The following CACNA1I variants were observed in gnomAD, a reference collection of about 807,000 sequenced individuals.
CACNA1I encodes the protein voltage-dependent T-type calcium channel subunit alpha-1I.
CACNA1I carries 74 observed loss-of-function variants against 201.6 expected under a neutral mutation model. That is an observed-to-expected ratio of 0.37 (90% CI 0.30 to 0.45). The LOEUF (loss-of-function observed/expected upper bound fraction) is 0.45. CACNA1I is among the 20% of genes least tolerant of loss of function. CACNA1I has a pLI of 1.00. For synonymous variants in CACNA1I, 1,431 were observed against 1,345.2 expected, an observed-to-expected ratio of 1.06 and a Z score of -1.40; for missense variants, 2,346 against 3,138.1, an observed-to-expected ratio of 0.75 and a Z score of 6.03.
At chr22:39,673,645 C>T (rs976620004) in intron 28 of CACNA1I, among the ~76,000 whole-genome samples, 1 of 152,226 alleles carries the variant, frequency 6.6e-6, no homozygotes, top group African/African-American at 2.4e-5. Flanking sequence ...TGGCCACTCA[C>T]GCTGGTCCTT....
intron 1 of CACNA1I, among the ~76,000 whole-genome samples, chr22:39,593,727 C>T (rs1932848795): frequency 6.6e-6 from 1 of 152,122 alleles, no homozygotes. Context: ...AGTGGCAAAA[C>T]AGCTTGGAGG....
At chr22:39,571,084 A>T (rs756181116) in intron 1 of CACNA1I, 96 bp downstream of exon 1, 1 of 1,107,226 alleles carries the variant, frequency 9.0e-7, no homozygotes, top group Admixed American at 1.8e-5. Flanking sequence ...TCCGGCTGGG[A>T]GACCTGAGGT....
intron 3 of CACNA1I, among the ~76,000 whole-genome samples, chr22:39,614,827 C>G (rs1264194317): frequency 6.6e-6 from 1 of 152,218 alleles, no homozygotes; most frequent in Non-Finnish European, 1.5e-5. Context: ...ACGGGAGCCC[C>G]TCTCCCCAGA....
chr22:39,587,076 C>T (rs1288487394), intron 1 of CACNA1I, among the ~76,000 whole-genome samples: 2 of 152,168 alleles, frequency 1.3e-5, no homozygotes, highest in African/African-American at 4.8e-5. Flanking sequence ...TTCCTGTGGA[C>T]CTTCCACCTT....
chr22:39,574,736 G>A (rs1407310863), intron 1 of CACNA1I, among the ~76,000 whole-genome samples: 1 of 152,180 alleles, frequency 6.6e-6, no homozygotes, highest in East Asian at 1.9e-4. Flanking sequence ...TGCAAAGGGC[G>A]ACTCTTTCCC....
intron 1 of CACNA1I, among the ~76,000 whole-genome samples, chr22:39,580,739 CT>C (rs1344027848): frequency 1.3e-5 from 2 of 152,100 alleles, no homozygotes; most frequent in African/African-American, 4.8e-5. Context: ...AGGGGTGGGA[CT>C]TGGGCAAATT....
intron 3 of CACNA1I, among the ~76,000 whole-genome samples, chr22:39,617,420 G>T (rs914183585): frequency 7.3e-6 from 1 of 137,828 alleles, no homozygotes; most frequent in South Asian, 2.4e-4. Flanking sequence ...CCCCCACCCC[G>T]CCCCCCACAG....
chr22:39,586,957 G>T (rs908375948), intron 1 of CACNA1I, among the ~76,000 whole-genome samples: 1 of 152,168 alleles, frequency 6.6e-6, no homozygotes, highest in African/African-American at 2.4e-5. Context: ...CCCGAGGCTG[G>T]ATCAGCCCAC....
chr22:39,619,864 G>C (rs553404099), intron 4 of CACNA1I, among the ~76,000 whole-genome samples: 1 of 152,196 alleles, frequency 6.6e-6, no homozygotes, highest in South Asian at 2.1e-4. Flanking sequence ...ACCCACCACA[G>C]ATCGATGTAC....
chr22:39,625,900 T>C (rs1933887339), intron 4 of CACNA1I, among the ~76,000 whole-genome samples: 1 of 142,772 alleles, frequency 7.0e-6, no homozygotes, highest in African/African-American at 2.6e-5. Flanking sequence ...GCATACTGCC[T>C]GAGTCATTTA....
At chr22:39,595,697 TTCTC>T (rs1025839023) in intron 1 of CACNA1I, among the ~76,000 whole-genome samples, 3 of 152,112 alleles carry the variant, frequency 2.0e-5, no homozygotes, top group South Asian at 2.1e-4. Flanking sequence ...GTCTCCCTCT[TTCTC>T]TCTCTCAGAA....
chr22:39,590,204 CCT>C (rs1340066250), intron 1 of CACNA1I, among the ~76,000 whole-genome samples: 2 of 152,196 alleles, frequency 1.3e-5, no homozygotes, highest in African/African-American at 2.4e-5. Context: ...CCCTGGTGAC[CCT>C]GTCCCCTTAG....
At chr22:39,642,608 C>G (rs1934377826) in intron 6 of CACNA1I, among the ~76,000 whole-genome samples, 189 bp from the exon 7 acceptor site, 1 of 152,190 alleles carries the variant, frequency 6.6e-6, no homozygotes, top group Admixed American at 6.5e-5. Context: ...AAGTGCTTTC[C>G]CCTCACTGAG....
chr22:39,679,620 CGCAGAGAA>C lies in CACNA1I; in HGVS notation c.5395-101_5395-94del, dbSNP rs1393552242. The C allele has an allele frequency of 5.8e-6, 7 of 1,207,014 alleles. No individual in the cohort carries two copies. The African/African-American group carries it at 1.1e-4, about 18-fold the overall frequency. 74.8% of individuals were successfully genotyped at this position (1,207,014 alleles called of 1,614,324 possible). ...GAGGGGGTCGGTCCCAGGCCATGGGCGCAGAGAACCAACCGGGAGGGCAGCTGTGTCCT... is the reference window on the plus strand; with the variant it reads ...GAGGGGGTCGGTCCCAGGCCATGGGCCCAACCGGGAGGGCAGCTGTGTCCT... On this transcript the variant is annotated intron_variant, in intron 32 of 36. Coordinates refer to ENST00000402142, the MANE Select transcript of CACNA1I (RefSeq NM_021096.4).
intron 4 of CACNA1I, among the ~76,000 whole-genome samples, chr22:39,634,252 TGAA>T: frequency 6.6e-6 from 1 of 152,324 alleles, no homozygotes; most frequent in Admixed American, 6.5e-5. Context: ...TTGTGAAGAC[TGAA>T]GATCACATTT....
rs979450979 is a variant in CACNA1I at position 39,689,358 on chromosome 22, G to A, written c.*2953G>A. 3.9e-5 allele frequency: 6 copies of A among 152,818 alleles called. No individual in the cohort carries two copies. Among genetic ancestry groups the A allele is most frequent in the African/African-American group, 1.4e-4 (6 of 41,480 alleles). The allele number at this position is 152,818 out of a possible 1,614,324, so 9.5% of individuals were successfully genotyped here. On this transcript the variant is annotated 3_prime_UTR_variant, in exon 37 of 37. Transcript: ENST00000402142. ...TCTTCCCCCAAATCCTCAGCTCAGA[G>A]CCTTCCGCTTCCAGGGCCAACCCCA...
At position 39,661,221 on chromosome 22, in the gene CACNA1I, C is replaced by G. The variant is rs1401260990; in HGVS notation, c.2812C>G (p.Leu938Val). Reference protein sequence around the residue: ...GAAGPAPRLSLQPDPMLVALG... With the variant: ...GAAGPAPRLSVQPDPMLVALG... ...TGCGGGACCTGCCCCCCGACTCTCACTGCAGCCGGACCCCATGCTGGTGGC... is the reference window on the plus strand; with the variant it reads ...TGCGGGACCTGCCCCCCGACTCTCAGTGCAGCCGGACCCCATGCTGGTGGC... Residue 938 changes from leucine to valine, a missense_variant, in exon 16 of 37, where the codon CTG (leucine) becomes GTG (valine). Physicochemically the swap from Leu to Val is conservative, Grantham distance 32. Around this residue, in one of 13 missense-constraint regions of CACNA1I, gnomAD observed 92 missense variants for 114.5 expected, o/e 0.80. Coordinates refer to ENST00000402142, the MANE Select transcript of CACNA1I (RefSeq NM_021096.4). 6.2e-7 allele frequency: 1 copy of G among 1,612,140 alleles called. No homozygotes were observed. The highest frequency in any genetic ancestry group is 8.5e-7 in the Non-Finnish European group (1 of 1,179,348).
chr22:39,665,867 C>A lies in CACNA1I; in HGVS notation c.3979-14C>A, dbSNP rs750427440. The A allele has an allele frequency of 6.2e-7, 1 of 1,613,674 alleles. No homozygotes were observed. The highest frequency in any genetic ancestry group is 8.5e-7 in the Non-Finnish European group (1 of 1,179,840). ...CTCACCTGTGAGAGCACCAACCTCA[C>A]CCCCTTTCCCCAGCTCTTCAAGGGC... On this transcript the variant is annotated splice_polypyrimidine_tract_variant and intron_variant, in intron 22 of 36. Transcript: ENST00000402142. The surrounding 1 kb of genome is among the most constrained non-coding windows in gnomAD (Gnocchi z 5.5).
intron 16 of CACNA1I, 31 bp downstream of exon 16, chr22:39,661,341 G>A (rs776778547): frequency 2.0e-5 from 30 of 1,487,744 alleles, no homozygotes; most frequent in South Asian, 2.7e-5. Context: ...CTGGACGGGC[G>A]CTTCCTGCTG....
Sources: allele counts gnomAD v4.1 joint callset (sites outside exome capture counted in the v4.1 genomes callset), GRCh38; gene constraint gnomAD v4.1.1; regional missense constraint gnomAD v4.1.1; non-coding constraint Gnocchi (gnomAD v3.1); transcripts MANE v1.5; gene names NCBI Gene and HGNC (gene_info 2026-07-23, HGNC 2026-07-21).